The following PPP3CA variants were observed in gnomAD, a reference collection of about 807,000 sequenced individuals.
PPP3CA encodes CAM-PRP catalytic subunit.
In PPP3CA, 14 loss-of-function variants were observed where a neutral mutation model predicts 66.5. The observed-to-expected ratio is 0.21, with a 90% CI of 0.14 to 0.33. The LOEUF (loss-of-function observed/expected upper bound fraction) is 0.33, where lower values mean the gene tolerates loss of function less well. PPP3CA is among the 10% of genes least tolerant of loss of function. The pLI is 1.00. For synonymous variants in PPP3CA, 232 were observed against 226.2 expected, an observed-to-expected ratio of 1.03 and a Z score of -0.23; for missense variants, 317 against 639.5, an observed-to-expected ratio of 0.50 and a Z score of 5.44.
At chr4:101,330,270 G>T in intron 1 of PPP3CA, 1 of 430,700 alleles carries the variant, frequency 2.3e-6, no homozygotes, top group Non-Finnish European at 4.6e-6. Flanking sequence ...CCTGAAGATA[G>T]GACTGACTTG....
intron 2 of PPP3CA, among the ~76,000 whole-genome samples, chr4:101,195,137 T>C (rs1724744333): frequency 6.6e-6 from 1 of 151,420 alleles, no homozygotes; most frequent in Non-Finnish European, 1.5e-5. Context: ...CCAGGCATGA[T>C]GGCACCTATA....
At chr4:101,276,538 CT>C (rs953425767) in intron 1 of PPP3CA, among the ~76,000 whole-genome samples, 6 of 152,108 alleles carry the variant, frequency 3.9e-5, no homozygotes, top group African/African-American at 7.2e-5. Flanking sequence ...TCCTCACTAG[CT>C]TTTCCCCCCA....
chr4:101,225,038 A>G (rs1181353642), intron 1 of PPP3CA, among the ~76,000 whole-genome samples: 1 of 151,732 alleles, frequency 6.6e-6, no homozygotes, highest in Non-Finnish European at 1.5e-5. Flanking sequence ...TGATGTGGTT[A>G]GAACACTTAA....
chr4:101,274,534 C>T (rs1727431669), intron 1 of PPP3CA, among the ~76,000 whole-genome samples: 1 of 152,176 alleles, frequency 6.6e-6, no homozygotes, highest in Admixed American at 6.5e-5. Context: ...ACAGAAAATA[C>T]TAAACCCACA....
chr4:101,337,636 A>T (rs1000925616), intron 1 of PPP3CA, among the ~76,000 whole-genome samples: 4 of 152,228 alleles, frequency 2.6e-5, no homozygotes, highest in Non-Finnish European at 5.9e-5. Context: ...TTTCTGTGTT[A>T]GTGAGACAAA....
chr4:101,110,057 G>A (rs1439996174), intron 2 of PPP3CA, among the ~76,000 whole-genome samples: 2 of 151,904 alleles, frequency 1.3e-5, no homozygotes, highest in African/African-American at 4.8e-5. Context: ...CCACATTATG[G>A]TATCTTTGAT....
chr4:101,237,588 A>G (rs865794081), intron 1 of PPP3CA, among the ~76,000 whole-genome samples: 2 of 152,102 alleles, frequency 1.3e-5, no homozygotes, highest in South Asian at 4.1e-4. Context: ...GGCTTTCATA[A>G]TATCATGCAC....
At chr4:101,293,731 G>A (rs1728104411) in intron 1 of PPP3CA, among the ~76,000 whole-genome samples, 2 of 152,220 alleles carry the variant, frequency 1.3e-5, no homozygotes, top group South Asian at 4.1e-4. Flanking sequence ...ATGTAATTAG[G>A]TGAACTTGGG....
chr4:101,275,906 T>G (rs1385434840), intron 1 of PPP3CA, among the ~76,000 whole-genome samples: 3 of 149,592 alleles, frequency 2.0e-5, no homozygotes, highest in African/African-American at 4.9e-5. Context: ...TTGTTTTTTG[T>G]TTTTTTTTGA....
chr4:101,212,812 C>G (rs1304194768), intron 1 of PPP3CA, among the ~76,000 whole-genome samples: 1 of 151,792 alleles, frequency 6.6e-6, no homozygotes, highest in Non-Finnish European at 1.5e-5. Flanking sequence ...TATTTCCCAA[C>G]TATAATTCTG....
chr4:101,196,822 C>T (rs1242588757), intron 1 of PPP3CA, among the ~76,000 whole-genome samples: 2 of 152,190 alleles, frequency 1.3e-5, no homozygotes, highest in South Asian at 2.1e-4. Flanking sequence ...ATTCTCTCTT[C>T]CACTCACCCG....
chr4:101,312,334 CTT>C (rs1407219614), intron 1 of PPP3CA, among the ~76,000 whole-genome samples: 1 of 151,962 alleles, frequency 6.6e-6, no homozygotes, highest in Non-Finnish European at 1.5e-5. Context: ...TCAAAAGACT[CTT>C]AAGTTGAAAA....
chr4:101,271,178 CAT>C (rs1560691109), intron 1 of PPP3CA, among the ~76,000 whole-genome samples: 3 of 152,142 alleles, frequency 2.0e-5, no homozygotes, highest in Admixed American at 6.6e-5. Flanking sequence ...CAGGATTCTA[CAT>C]GTTTTCCAAA....
At chr4:101,054,476 T>C (rs1728141216) in intron 10 of PPP3CA, among the ~76,000 whole-genome samples, 1 of 152,094 alleles carries the variant, frequency 6.6e-6, no homozygotes, top group Non-Finnish European at 1.5e-5. Context: ...GAATTACTAG[T>C]GCCAAACGCT....
intron 6 of PPP3CA, among the ~76,000 whole-genome samples, chr4:101,089,439 G>A (rs1729814464): frequency 6.6e-6 from 1 of 152,168 alleles, no homozygotes. Context: ...GACCAGTAGT[G>A]ATTTGAGTGA....
chr4:101,228,700 G>T (rs1379413959), intron 1 of PPP3CA, among the ~76,000 whole-genome samples: 2 of 151,518 alleles, frequency 1.3e-5, no homozygotes, highest in Admixed American at 6.6e-5. Context: ...AACTATCAAA[G>T]ATTTTAACTT....
At chr4:101,080,283 C>T (rs574315961) in intron 8 of PPP3CA, among the ~76,000 whole-genome samples, 1 of 152,086 alleles carries the variant, frequency 6.6e-6, no homozygotes, top group South Asian at 2.1e-4. Context: ...AGAGCAGCAG[C>T]TGTCAACCCT....
chr4:101,230,997 G>T (rs1725944007), intron 1 of PPP3CA, among the ~76,000 whole-genome samples: 1 of 151,632 alleles, frequency 6.6e-6, no homozygotes, highest in African/African-American at 2.4e-5. Context: ...AAAATGCAAA[G>T]TCATTCCAGG....
rs1198506633 is a variant in PPP3CA, at chr4:101,023,613, C to T, written c.*2252G>A. Reference sequence around the variant, plus strand: ...TTCACATCATCACTCTAGTAAGTTGCATCTAAATATTTTCCTTGGTTGCCA... The same window carrying T: ...TTCACATCATCACTCTAGTAAGTTGTATCTAAATATTTTCCTTGGTTGCCA... On this transcript the variant is annotated 3_prime_UTR_variant, in exon 14 of 14. Transcript: ENST00000394854. The T allele has an allele frequency of 6.6e-6, 1 of 152,516 alleles. No individual in the cohort carries two copies. Among genetic ancestry groups the T allele is most frequent in the Non-Finnish European group, 1.5e-5 (1 of 68,028 alleles). The allele number at this position is 152,516 out of a possible 1,614,324, so 9.4% of individuals were successfully genotyped here.
Sources: allele counts gnomAD v4.1 joint callset (sites outside exome capture counted in the v4.1 genomes callset), GRCh38; gene constraint gnomAD v4.1.1; transcripts MANE v1.5; gene names NCBI Gene and HGNC (gene_info 2026-07-23, HGNC 2026-07-21).